The following ATP2B2 variants were observed in gnomAD, a reference collection of about 807,000 sequenced individuals.
ATP2B2 encodes ATPase plasma membrane Ca2+ transporting 2, also known as plasma membrane calcium-transporting ATPase 2.
Under a neutral mutation model 120.0 loss-of-function variants are expected in ATP2B2, and 15 were observed. The ratio of observed to expected loss-of-function variants is 0.12; its 90% CI spans 0.08 to 0.19. The LOEUF is 0.19. Ranked by LOEUF, ATP2B2 falls within the 10% of genes least tolerant of loss-of-function variation. The pLI is 1.00. For synonymous variants in ATP2B2, 694 were observed against 700.3 expected (o/e 0.99, Z 0.14); for missense variants, 1,045 against 1,719.8 (o/e 0.61, Z 6.94).
chr3:10,340,251 A>C lies in ATP2B2; in HGVS notation c.3228T>G (p.Val1076=), dbSNP rs774105140. The C allele has an allele frequency of 4.0e-5, 65 of 1,613,956 alleles. No homozygotes were observed. The highest frequency in any genetic ancestry group is 5.1e-5 in the Non-Finnish European group (60 of 1,179,998). The change falls in exon 21 of 23, where the codon GTT becomes GTG. Residue 1076 remains valine, a synonymous_variant. Transcript: ENST00000360273. The surrounding 1 kb of genome is among the most constrained non-coding windows in gnomAD (Gnocchi z 5.0). The stretch of plus-strand genomic sequence containing the variant: ...CCTACCAGGAACTTACCTGGCCCCA[A>C]ACGAGCTCTCCTAACCCAATGAATA... ...WCIFIGLGEL[V]WGQVIATIPT... is the part of the protein sequence containing the mutation.
chr3:10,523,065 A>C (rs1283709339), intron 3 of ATP2B2, among the ~76,000 whole-genome samples: 1 of 152,246 alleles, frequency 6.6e-6, no homozygotes, highest in Non-Finnish European at 1.5e-5. Context: ...AGAGAGGCCA[A>C]GAGTGAAAGG....
intron 11 of ATP2B2, among the ~76,000 whole-genome samples, chr3:10,373,463 C>T (rs1308209582): frequency 6.6e-6 from 1 of 152,094 alleles, no homozygotes; most frequent in Non-Finnish European, 1.5e-5. Context: ...TGTGACTACA[C>T]CTATAGGGTA....
chr3:10,556,018 C>T (rs944705860), intron 2 of ATP2B2, among the ~76,000 whole-genome samples: 1 of 152,202 alleles, frequency 6.6e-6, no homozygotes, highest in Non-Finnish European at 1.5e-5. Context: ...CTTGCCTCAG[C>T]CTCCTGAGTA....
chr3:10,362,675 G>A (rs1159051907), intron 12 of ATP2B2, among the ~76,000 whole-genome samples: 1 of 152,174 alleles, frequency 6.6e-6, no homozygotes, highest in Admixed American at 6.5e-5. Context: ...GGCTCCCATG[G>A]CCATACTGAC....
intron 1 of ATP2B2, among the ~76,000 whole-genome samples, chr3:10,664,351 G>A (rs956695622): frequency 1.3e-5 from 2 of 152,004 alleles, no homozygotes; most frequent in African/African-American, 4.8e-5. Flanking sequence ...TAGCTTCTGG[G>A]GTCCCCAAGG....
Position 10,635,659 on chromosome 3 carries a change from C to T in ATP2B2, c.-459-15698G>A, listed in dbSNP as rs780247567. Among the ~76,000 whole-genome samples the T allele has an allele frequency of 4.6e-4, 70 of 152,278 alleles. No homozygotes were observed. The highest frequency in any genetic ancestry group is 1.2e-3 in the Admixed American group (18 of 15,310). On this transcript the variant is annotated intron_variant, in intron 1 of 21. Transcript: ENST00000646379. This position sits in a 1 kb window ranked among gnomAD's most constrained non-coding sequence, Gnocchi z 4.3. The stretch of plus-strand genomic sequence containing the variant: ...AGCACCTCCCAGGTAGCATTTTGCA[C>T]GCGACAAGGACGCAGCATCCTCAGG...
rs934244178 is a variant in ATP2B2 at position 10,411,816 on chromosome 3, C to T, written c.200-1001G>A. Among the ~76,000 whole-genome samples the T allele has an allele frequency of 2.0e-5, 3 of 152,354 alleles. No individual in the cohort carries two copies. The East Asian group carries it at 5.8e-4, about 29-fold the overall frequency. The stretch of plus-strand genomic sequence containing the variant: ...GTGCCTGGTGGACATGCAGCTGACA[C>T]TGGTACTTTCTCCTCTTCTGGACAA... On this transcript the variant is annotated intron_variant, in intron 2 of 22. Transcript: ENST00000360273.
At chr3:10,513,672 A>C (rs972767006) in intron 3 of ATP2B2, among the ~76,000 whole-genome samples, 9 of 152,158 alleles carry the variant, frequency 5.9e-5, no homozygotes, top group Admixed American at 4.6e-4. Flanking sequence ...CTGCTTGCAC[A>C]GGGCCACAGT....
chr3:10,402,725 C>T lies in ATP2B2; in HGVS notation c.398-377G>A, dbSNP rs749022504. ...CTGTGAGATCTTGGGCAAATGACTC[C>T]CTTTCTGAAACTCATTTTTTCTCAT... On this transcript the variant is annotated intron_variant, in intron 3 of 22. Transcript: ENST00000360273. This position sits in a 1 kb window ranked among gnomAD's most constrained non-coding sequence, Gnocchi z 4.9. 6.6e-6 allele frequency among the ~76,000 whole-genome samples: 1 copy of T among 152,114 alleles called. No individual in the cohort carries two copies. Among genetic ancestry groups the T allele is most frequent in the African/African-American group, 2.4e-5 (1 of 41,420 alleles).
chr3:10,340,457 C>G lies in ATP2B2; in HGVS notation c.3129+36G>C. 1 of 1,614,076 alleles carries G rather than the reference C, an allele frequency of 6.2e-7. No individual in the cohort carries two copies. Among genetic ancestry groups the G allele is most frequent in the South Asian group, 1.1e-5 (1 of 91,072 alleles). On this transcript the variant is annotated intron_variant, in intron 20 of 22. Coordinates refer to ENST00000360273, the MANE Select transcript of ATP2B2 (RefSeq NM_001001331.4). This position sits in a 1 kb window ranked among gnomAD's most constrained non-coding sequence, Gnocchi z 5.0. ...CCCAGGGGCTCCAGCCGCTTGCTGCCCACCCCGGGCCTGGTTAGGGTGGGG... is the reference window on the plus strand; with the variant it reads ...CCCAGGGGCTCCAGCCGCTTGCTGCGCACCCCGGGCCTGGTTAGGGTGGGG...
intron 2 of ATP2B2, among the ~76,000 whole-genome samples, chr3:10,433,732 C>T (rs2063393104): frequency 6.6e-6 from 1 of 152,132 alleles, no homozygotes; most frequent in Non-Finnish European, 1.5e-5. Flanking sequence ...TTCAGCAATC[C>T]ATGGAAGGTA....
rs529424586 is a variant in ATP2B2 at position 10,563,029 on chromosome 3, T to A, written c.-414-28896A>T. On this transcript the variant is annotated intron_variant, in intron 2 of 21. Transcript: ENST00000646379. ...TTATGTTCTGATTCCCTAGTTAATT[T>A]CTTTTCAACTTTGTCATATTGTATA... is the stretch of plus-strand genomic sequence containing the variant. Among the ~76,000 whole-genome samples the A allele has an allele frequency of 2.6e-5, 4 of 152,348 alleles. No individual in the cohort carries two copies. In the South Asian group the frequency reaches 8.3e-4, roughly 32 times the overall value.
At chr3:10,592,345 C>G (rs926693880) in intron 2 of ATP2B2, among the ~76,000 whole-genome samples, 1 of 152,214 alleles carries the variant, frequency 6.6e-6, no homozygotes, top group Non-Finnish European at 1.5e-5. Context: ...ATAAGTCAAA[C>G]ATAAATAAAG....
chr3:10,448,485 T>C (rs2063916906), intron 2 of ATP2B2, among the ~76,000 whole-genome samples: 1 of 152,180 alleles, frequency 6.6e-6, no homozygotes, highest in African/African-American at 2.4e-5. Context: ...CCATGAGGTC[T>C]GGTACCCAAG....
At chr3:10,690,376 AGATAGAGAGATG>A (rs1296238948) in intron 1 of ATP2B2, among the ~76,000 whole-genome samples, 4 of 152,212 alleles carry the variant, frequency 2.6e-5, no homozygotes, top group Admixed American at 1.3e-4. Context: ...AATCAGATAG[AGATAGAGAGATG>A]GATAGAGAGC....
chr3:10,511,736 C>T (rs1327830959), intron 3 of ATP2B2, among the ~76,000 whole-genome samples: 1 of 152,144 alleles, frequency 6.6e-6, no homozygotes, highest in African/African-American at 2.4e-5. Context: ...AGCCCCTATT[C>T]CTAAATGGCC....
intron 1 of ATP2B2, among the ~76,000 whole-genome samples, chr3:10,639,672 G>T (rs77883296): frequency 1.3e-5 from 2 of 152,184 alleles, no homozygotes; most frequent in African/African-American, 4.8e-5. Flanking sequence ...CTAGTGACTG[G>T]GTGCGGAGTT....
intron 1 of ATP2B2, among the ~76,000 whole-genome samples, chr3:10,645,845 A>G (rs1274955585): frequency 3.9e-5 from 6 of 152,196 alleles, no homozygotes; most frequent in Admixed American, 3.9e-4. Flanking sequence ...TGACCAGGAA[A>G]GCATCAAAGG....
At chr3:10,421,362 C>T (rs1426205074) in intron 2 of ATP2B2, among the ~76,000 whole-genome samples, 1 of 152,144 alleles carries the variant, frequency 6.6e-6, no homozygotes, top group Admixed American at 6.5e-5. Flanking sequence ...GGCCCTTCTC[C>T]TTCCCTGAAA....
Sources: gnomAD v4.1 joint callset for allele counts (sites outside exome capture counted in the v4.1 genomes callset) on GRCh38, gnomAD v4.1.1 for gene constraint, Gnocchi (gnomAD v3.1) non-coding constraint, MANE v1.5 for transcripts, NCBI Gene and HGNC (gene_info 2026-07-23, HGNC 2026-07-21) for gene names.